Variants in CNGB1 observed in about 807,000 individuals in gnomAD.
The protein encoded by CNGB1 is cyclic nucleotide gated channel subunit beta 1, also known as cyclic nucleotide-gated channel beta-1.
Under a neutral mutation model 151.7 loss-of-function variants are expected in CNGB1, and 126 were observed. The observed-to-expected ratio is 0.83, with a 90% CI of 0.72 to 0.96. The LOEUF is 0.96. Ranked by LOEUF, CNGB1 falls within the 40% of genes least tolerant of loss-of-function variation. The pLI, the probability that CNGB1 is intolerant of heterozygous loss-of-function variation, is 0.00. For missense variants in CNGB1, 1,698 were observed against 1,627.0 expected, an observed-to-expected ratio of 1.04 and a Z score of -0.75; for synonymous variants, 623 against 635.1, an observed-to-expected ratio of 0.98 and a Z score of 0.29.
intron 14 of CNGB1, 76 bp from the exon 15 acceptor site, chr16:57,940,397 G>C: frequency 7.2e-7 from 1 of 1,389,190 alleles, no homozygotes; most frequent in South Asian, 1.2e-5. Context: ...CCTGCTGAGG[G>C]CCACGCTCTG....
At chr16:57,914,070 G>T (rs515370) in intron 23 of CNGB1, among the ~76,000 whole-genome samples, 1 of 152,020 alleles carries the variant, frequency 6.6e-6, no homozygotes, top group African/African-American at 2.4e-5. Context: ...GTTCATTCTA[G>T]TTCCAGCCAC....
chr16:57,941,172 A>G (rs1210971216), intron 14 of CNGB1, among the ~76,000 whole-genome samples: 2 of 152,222 alleles, frequency 1.3e-5, no homozygotes, highest in Non-Finnish European at 2.9e-5. Flanking sequence ...AGGCTAAATT[A>G]GATGTCCGTG....
At chr16:57,920,592 T>C (rs2149366604) in intron 18 of CNGB1, 48 bp from the exon 19 acceptor site, 1 of 1,602,346 alleles carries the variant, frequency 6.2e-7, no homozygotes, top group South Asian at 1.1e-5. Flanking sequence ...GGGAGGGACC[T>C]GTGCACCCCC....
rs144589887 is a variant in CNGB1 at position 57,918,178 on chromosome 16, T to G, written c.1958-702A>C. 6.4e-3 allele frequency among the ~76,000 whole-genome samples: 972 copies of G among 152,108 alleles called. 15 individuals carry two copies. Among genetic ancestry groups the G allele is most frequent in the African/African-American group, 0.021 (887 of 41,476 alleles). ...TTTGTAGAGATGAGGTCTCACTATG[T>G]TGCCCAGGCTGATCTTGAACTCCTG... On this transcript the variant is annotated intron_variant, in intron 20 of 32. Coordinates refer to ENST00000251102, the MANE Select transcript of CNGB1 (RefSeq NM_001297.5).
At chr16:57,908,411 T>C (rs1960616311) in intron 25 of CNGB1, among the ~76,000 whole-genome samples, 1 of 152,254 alleles carries the variant, frequency 6.6e-6, no homozygotes, top group Non-Finnish European at 1.5e-5. Context: ...GGGCATTTTG[T>C]GTCACTAGTG....
intron 4 of CNGB1, 75 bp downstream of exon 4, chr16:57,964,055 T>G (rs890309089): frequency 2.1e-5 from 30 of 1,414,318 alleles, no homozygotes; most frequent in Non-Finnish European, 3.0e-5. Context: ...CCCACCCCCA[T>G]CCCCAGGGCT....
At chr16:57,935,767 T>A (rs1404339746) in intron 16 of CNGB1, among the ~76,000 whole-genome samples, 1 of 151,684 alleles carries the variant, frequency 6.6e-6, no homozygotes, top group Non-Finnish European at 1.5e-5. Flanking sequence ...TTTTTTTTTT[T>A]AAGCAATTCA....
intron 18 of CNGB1, 128 bp from the exon 19 acceptor site, chr16:57,920,672 TCTC>T: frequency 9.0e-7 from 1 of 1,108,182 alleles, no homozygotes. Context: ...CCTGCCCCCA[TCTC>T]CTTCTGACAT....
At chr16:57,962,531 C>T (rs769059099) in intron 7 of CNGB1, 34 bp downstream of exon 7, 109 of 1,604,820 alleles carry the variant, frequency 6.8e-5, no homozygotes, top group Non-Finnish European at 8.9e-5. Context: ...CCCACACATA[C>T]AGACAACAGT....
At chr16:57,968,641 A>G (rs772207915) in intron 1 of CNGB1, among the ~76,000 whole-genome samples, 7 of 152,264 alleles carry the variant, frequency 4.6e-5, no homozygotes, top group Non-Finnish European at 7.3e-5. Context: ...ACATAATCTC[A>G]TTATAAGTAA....
At chr16:57,948,543 T>C (rs1403693804) in intron 14 of CNGB1, among the ~76,000 whole-genome samples, 1 of 152,048 alleles carries the variant, frequency 6.6e-6, no homozygotes, top group African/African-American at 2.4e-5. Flanking sequence ...CAGTCCTTTT[T>C]GGTTCCTCAT....
At chr16:57,956,531 C>T (rs1007682022) in intron 12 of CNGB1, among the ~76,000 whole-genome samples, 3 of 152,154 alleles carry the variant, frequency 2.0e-5, no homozygotes, top group Non-Finnish European at 2.9e-5. Context: ...ATCAGACTAG[C>T]GGGGCTGGGG....
Position 57,939,164 on chromosome 16 carries a change from T to A in CNGB1, c.1372+266A>T, listed in dbSNP as rs17821436. Among the ~76,000 whole-genome samples the A allele has an allele frequency of 1.7e-3, 259 of 151,960 alleles. 2 individuals carry two copies. Among genetic ancestry groups the A allele is most frequent in the African/African-American group, 6.1e-3 (251 of 41,448 alleles). On this transcript the variant is annotated intron_variant, in intron 16 of 32. Coordinates refer to ENST00000251102, the MANE Select transcript of CNGB1 (RefSeq NM_001297.5). Reference sequence around the variant, plus strand: ...GAGAGGCTGGAAGGAAGGAGTTGGCTGGGATCGGGATTTCCCCGGCGCCAC... The same window carrying A: ...GAGAGGCTGGAAGGAAGGAGTTGGCAGGGATCGGGATTTCCCCGGCGCCAC...
chr16:57,943,322 A>G (rs1218014757), intron 14 of CNGB1, among the ~76,000 whole-genome samples: 1 of 152,184 alleles, frequency 6.6e-6, no homozygotes, highest in East Asian at 1.9e-4. Flanking sequence ...AGAGAAATGC[A>G]AATCAAAACC....
chr16:57,930,239 G>A (rs1240148362), intron 17 of CNGB1, among the ~76,000 whole-genome samples: 1 of 152,110 alleles, frequency 6.6e-6, no homozygotes, highest in African/African-American at 2.4e-5. Flanking sequence ...GCTCACACCT[G>A]TAATTCCGGC....
intron 16 of CNGB1, among the ~76,000 whole-genome samples, chr16:57,938,983 C>T (rs1456066961): frequency 6.6e-6 from 1 of 152,174 alleles, no homozygotes; most frequent in African/African-American, 2.4e-5. Context: ...GTTCTGGTTC[C>T]AGTTTTCACT....
intron 23 of CNGB1, among the ~76,000 whole-genome samples, chr16:57,913,508 T>C (rs1475037417): frequency 1.3e-5 from 2 of 152,110 alleles, no homozygotes; most frequent in Non-Finnish European, 2.9e-5. Flanking sequence ...AGAGACAGAG[T>C]CTCACTCTGT....
At chr16:57,914,637 G>A (rs1960812806) in intron 23 of CNGB1, among the ~76,000 whole-genome samples, 1 of 152,124 alleles carries the variant, frequency 6.6e-6, no homozygotes, top group African/African-American at 2.4e-5. Context: ...CCCTGATCAC[G>A]TGACAGGACC....
In CNGB1 at chr16:57,949,430, G is replaced by A; in HGVS notation, c.1044C>T (p.Ser348=). The stretch of plus-strand genomic sequence containing the variant: ...CATCTTCTTTCTCCTCTTCAATCCG[G>A]GACAGCTCTCTGAGTTGGGGTTAGA... The part of the protein sequence containing the change: ...KAVEKMPREL[S]RIEEEKEDEE... Residue 348 remains serine, a synonymous_variant, in exon 14 of 33, where the codon TCC becomes TCT. Transcript: ENST00000251102. The A allele has an allele frequency of 1.9e-6, 3 of 1,613,514 alleles. No homozygotes were observed. The highest frequency in any genetic ancestry group is 2.5e-6 in the Non-Finnish European group (3 of 1,179,992).
Sources: allele counts gnomAD v4.1 joint callset (sites outside exome capture counted in the v4.1 genomes callset), GRCh38; gene constraint gnomAD v4.1.1; transcripts MANE v1.5; gene names NCBI Gene and HGNC (gene_info 2026-07-23, HGNC 2026-07-21).